The following NAV2 variants were observed in gnomAD, a reference collection of about 807,000 sequenced individuals.
NAV2 encodes helicase, APC down-regulated 1.
A neutral mutation model predicts 223.2 loss-of-function variants in NAV2; 54 were observed. The observed-to-expected ratio is 0.24, with a 90% confidence interval of 0.19 to 0.30. The LOEUF is 0.30. Among genes scored for constraint, NAV2 ranks in the 10% least tolerant of loss-of-function variants. The pLI is 1.00. For synonymous variants in NAV2, 1,279 were observed against 1,239.3 expected (o/e 1.03, Z -0.67); for missense variants, 2,806 against 3,147.5 (o/e 0.89, Z 2.60).
intron 1 of NAV2, among the ~76,000 whole-genome samples, chr11:19,641,639 G>A (rs999715528): frequency 2.6e-5 from 4 of 151,536 alleles, no homozygotes; most frequent in African/African-American, 9.7e-5. Context: ...CACAGTGAGC[G>A]CTCACCTTCC....
intron 11 of NAV2, among the ~76,000 whole-genome samples, chr11:19,986,822 A>C (rs1489979392): frequency 6.6e-6 from 1 of 152,216 alleles, no homozygotes; most frequent in Non-Finnish European, 1.5e-5. Context: ...AGTTATTATG[A>C]GCTGACCATA....
chr11:19,623,568 G>A (rs2135433225), intron 1 of NAV2, among the ~76,000 whole-genome samples: 2 of 152,260 alleles, frequency 1.3e-5, no homozygotes, highest in Middle Eastern at 6.8e-3. Flanking sequence ...CGCTACTGAA[G>A]CTTGTGCATT....
intron 1 of NAV2, among the ~76,000 whole-genome samples, chr11:19,830,606 G>C (rs61879369): frequency 0.023 from 3,557 of 152,280 alleles, 52 homozygotes; most frequent in Non-Finnish European, 0.034. Flanking sequence ...GATTTATTAA[G>C]CTCCTTCTCT....
chr11:19,540,994 G>A (rs879552855), intron 1 of NAV2, among the ~76,000 whole-genome samples: 33 of 152,220 alleles, frequency 2.2e-4, no homozygotes, highest in Non-Finnish European at 4.0e-4. Flanking sequence ...AAACAATTCT[G>A]AGAAATCCTG....
At chr11:20,038,261 C>T (rs1467909061) in intron 12 of NAV2, among the ~76,000 whole-genome samples, 2 of 152,140 alleles carry the variant, frequency 1.3e-5, no homozygotes, top group African/African-American at 2.4e-5. Flanking sequence ...GGATTCTGCA[C>T]AAACATGCCT....
intron 3 of NAV2, among the ~76,000 whole-genome samples, chr11:19,865,188 T>A (rs2062019055): frequency 6.6e-6 from 1 of 152,216 alleles, no homozygotes; most frequent in African/African-American, 2.4e-5. Flanking sequence ...TTTAATCAGA[T>A]CCTCATCTCA....
intron 1 of NAV2, among the ~76,000 whole-genome samples, chr11:19,408,966 G>A (rs1850024447): frequency 6.9e-6 from 1 of 145,278 alleles, no homozygotes. Flanking sequence ...CTTTCTTCAT[G>A]AGCTGTGAAG....
intron 1 of NAV2, among the ~76,000 whole-genome samples, chr11:19,668,045 C>A (rs2048466166): frequency 6.6e-6 from 1 of 152,190 alleles, no homozygotes; most frequent in African/African-American, 2.4e-5. Context: ...CCCATCCCAC[C>A]TATTCTCTCC....
At chr11:19,894,387 C>T (rs963417054) in intron 6 of NAV2, among the ~76,000 whole-genome samples, 40 of 152,150 alleles carry the variant, frequency 2.6e-4, no homozygotes, top group African/African-American at 9.7e-4. Flanking sequence ...CCTCTCCTCG[C>T]GGGCCAGTCT....
intron 1 of NAV2, among the ~76,000 whole-genome samples, chr11:19,734,321 C>T (rs1242303246): frequency 6.6e-6 from 1 of 152,086 alleles, no homozygotes; most frequent in East Asian, 1.9e-4. Context: ...ATATGATGAC[C>T]CATTGCCAGA....
chr11:19,575,716 T>C (rs1046608566), intron 1 of NAV2, among the ~76,000 whole-genome samples: 1 of 152,236 alleles, frequency 6.6e-6, no homozygotes, highest in African/African-American at 2.4e-5. Flanking sequence ...TTGGGGAGAC[T>C]GAGTTCCAAC....
At chr11:19,825,694 G>A (rs962556163) in intron 1 of NAV2, among the ~76,000 whole-genome samples, 1 of 152,234 alleles carries the variant, frequency 6.6e-6, no homozygotes, top group African/African-American at 2.4e-5. Context: ...AAACTTAGCA[G>A]TGTTATTATC....
chr11:19,632,566 C>A (rs2047376649), intron 1 of NAV2, among the ~76,000 whole-genome samples: 1 of 152,082 alleles, frequency 6.6e-6, no homozygotes, highest in African/African-American at 2.4e-5. Context: ...CCTGCTGTTG[C>A]CTGTTTTGTG....
At chr11:20,023,146 C>T (rs1037610865) in intron 11 of NAV2, 11 of 1,551,324 alleles carry the variant, frequency 7.1e-6, no homozygotes, top group African/African-American at 6.8e-5. Context: ...GGACGATTTT[C>T]TAAAATTTCT....
At chr11:19,939,183 C>T (rs1168352815) in intron 7 of NAV2, among the ~76,000 whole-genome samples, 1 of 152,126 alleles carries the variant, frequency 6.6e-6, no homozygotes, top group Non-Finnish European at 1.5e-5. Flanking sequence ...TGCTTGGCAC[C>T]CACTTCCGAC....
At chr11:20,059,645 G>A (rs1257273221) in intron 19 of NAV2, among the ~76,000 whole-genome samples, 3 of 152,126 alleles carry the variant, frequency 2.0e-5, no homozygotes, top group Admixed American at 2.0e-4. Flanking sequence ...AAGGCAGAGC[G>A]ATCTCCGGAC....
intron 11 of NAV2, among the ~76,000 whole-genome samples, chr11:19,986,188 T>G (rs1450498477): frequency 1.3e-5 from 2 of 152,144 alleles, no homozygotes; most frequent in Non-Finnish European, 2.9e-5. Flanking sequence ...CTTCTGGAGA[T>G]GGAGGATGAG....
intron 1 of NAV2, among the ~76,000 whole-genome samples, chr11:19,488,661 A>T (rs1331927677): frequency 1.3e-5 from 2 of 152,234 alleles, no homozygotes; most frequent in African/African-American, 4.8e-5. Flanking sequence ...TAAATTCAAT[A>T]ATGCATAGAA....
chr11:19,818,262 T>TTTTA (rs1555075651), intron 1 of NAV2, among the ~76,000 whole-genome samples: 1 of 114,104 alleles, frequency 8.8e-6, no homozygotes, highest in Non-Finnish European at 1.9e-5. Flanking sequence ...TTTTTTTTTT[T>TTTTA]ACTCCATCTC....
Sources: allele counts gnomAD v4.1 joint callset (sites outside exome capture counted in the v4.1 genomes callset), GRCh38; gene constraint gnomAD v4.1.1; transcripts MANE v1.5; gene names NCBI Gene and HGNC (gene_info 2026-07-23, HGNC 2026-07-21).